SLC26A3: variants seen among roughly 807,000 people sequenced by gnomAD.
The protein encoded by SLC26A3 is chloride anion exchanger.
SLC26A3 carries 64 observed loss-of-function variants against 85.6 expected under a neutral mutation model. That is an observed-to-expected ratio of 0.75 (90% CI 0.61 to 0.92). The LOEUF is 0.92. SLC26A3 is among the 40% of genes least tolerant of loss of function. The probability of loss-of-function intolerance (pLI) is 0.00; values close to 1 mark genes in which losing one functional copy is unlikely to be tolerated. For missense variants in SLC26A3, 922 were observed against 927.3 expected (o/e 0.99, Z 0.07); for synonymous variants, 349 against 336.0 (o/e 1.04, Z -0.42).
In SLC26A3 at chr7:107,776,670, G is replaced by C; in HGVS notation, c.1551C>G (p.Thr517=). The change falls in exon 14 of 21, where the codon ACC becomes ACG. Residue 517 remains threonine, a synonymous_variant. Coordinates refer to ENST00000340010, the MANE Select transcript of SLC26A3 (RefSeq NM_000111.3). ...KCSTLANIGR[T]NIYKNKKDYY... The stretch of plus-strand genomic sequence containing the variant: ...AATCTTTTTTATTCTTATAGATGTT[G>C]GTTCTTCCAATATTAGCCAGCGTGC... 1 of 1,613,826 alleles carries C rather than the reference G, an allele frequency of 6.2e-7. No individual in the cohort carries two copies. The highest frequency in any genetic ancestry group is 8.5e-7 in the Non-Finnish European group (1 of 1,179,872).
At position 107,787,477 on chromosome 7, in the gene SLC26A3, C is replaced by T; in HGVS notation, c.768G>A (p.Lys256=). The T allele has an allele frequency of 6.2e-7, 1 of 1,613,762 alleles. No individual in the cohort carries two copies. Among genetic ancestry groups the T allele is most frequent in the Non-Finnish European group, 8.5e-7 (1 of 1,179,782 alleles). Residue 256 remains lysine, a synonymous_variant, in exon 7 of 21, where the codon AAG becomes AAA. Transcript: ENST00000340010. ...VLYSVFSQIE[K]TNIADLVTAL... is the part of the protein sequence containing the mutation. ...CTGTCACCAGGTCTGCAATATTAGTCTTCTCTATTTGTGAGAATACAGAGT... is the reference window on the plus strand; with the variant it reads ...CTGTCACCAGGTCTGCAATATTAGTTTTCTCTATTTGTGAGAATACAGAGT...
Position 107,767,633 on chromosome 7 carries a change from T to A in SLC26A3, c.2217A>T (p.Gly739=). 6.2e-7 allele frequency: 1 copy of A among 1,609,690 alleles called. No homozygotes were observed. Among genetic ancestry groups the A allele is most frequent in the Non-Finnish European group, 8.5e-7 (1 of 1,176,176 alleles). ...SKFNPSQEKD[G]KIDFTINTNG... ...TTGTATTTATGGTAAAATCAATTTT[T>A]CCATCTTTTTCCTGAGAAAAAGAGA... The change falls in exon 20 of 21, where the codon GGA becomes GGT. Residue 739 remains glycine (G), a synonymous_variant. Coordinates refer to ENST00000340010, the MANE Select transcript of SLC26A3 (RefSeq NM_000111.3).
intron 6 of SLC26A3, 102 bp downstream of exon 6, chr7:107,789,422 T>C: frequency 8.3e-7 from 1 of 1,200,934 alleles, no homozygotes; most frequent in East Asian, 2.5e-5. Flanking sequence ...TTTTACAAAC[T>C]GTAGGTAAAC....
At chr7:107,780,245 ATATC>A (rs1448682749) in intron 11 of SLC26A3, among the ~76,000 whole-genome samples, 7 of 152,102 alleles carry the variant, frequency 4.6e-5, no homozygotes, top group Non-Finnish European at 8.8e-5. Context: ...AGCATGAAAC[ATATC>A]TATCTAGTTC....
intron 8 of SLC26A3, among the ~76,000 whole-genome samples, chr7:107,785,515 C>T (rs1794279385): frequency 6.6e-6 from 1 of 152,022 alleles, no homozygotes; most frequent in African/African-American, 2.4e-5. Flanking sequence ...TTTTATTTTC[C>T]AAGCCCTTCT....
At position 107,791,860 on chromosome 7, in the gene SLC26A3, A is replaced by C; in HGVS notation, c.352T>G (p.Phe118Val). 1 of 1,613,502 alleles carries C rather than the reference A, an allele frequency of 6.2e-7. No individual in the cohort carries two copies. The highest frequency in any genetic ancestry group is 8.5e-7 in the Non-Finnish European group (1 of 1,179,456). The change falls in exon 4 of 21, where the codon TTC (phenylalanine) becomes GTC (valine). Residue 118 changes from phenylalanine to valine, a missense_variant. Phe to Val is a conservative substitution (Grantham distance 50). Transcript: ENST00000340010. Reference sequence around the variant, plus strand: ...GATATGTGTCTGGAAGTGCCGAAGAAAAGGTAGATTATGGCTGGGAAAAAG... The same window carrying C: ...GATATGTGTCTGGAAGTGCCGAAGACAAGGTAGATTATGGCTGGGAAAAAG... ...ASFFPAIIYL[F>V]FGTSRHISVG...
At chr7:107,765,902 GT>G in intron 20 of SLC26A3, 24 bp from the exon 21 acceptor site, 1 of 1,602,340 alleles carries the variant, frequency 6.2e-7, no homozygotes. Context: ...GAAAGTTCTT[GT>G]TTTAAAATAC....
chr7:107,789,795 T>A, intron 5 of SLC26A3, 107 bp from the exon 6 acceptor site: 4 of 1,174,864 alleles, frequency 3.4e-6, no homozygotes, highest in Non-Finnish European at 4.9e-6. Context: ...AGGCTCAACC[T>A]GTATGTACAT....
Position 107,791,882 on chromosome 7 carries a change from AAAGGATGCATAC to A in SLC26A3, c.318_329del (p.Leu106_Ser109del). 6 of 1,613,960 alleles carry A rather than the reference AAAGGATGCATAC, an allele frequency of 3.7e-6. No homozygotes were observed. Among genetic ancestry groups the A allele is most frequent in the Non-Finnish European group, 5.1e-6 (6 of 1,179,858 alleles). ...AGAAAAGGTAGATTATGGCTGGGAA[AAAGGATGCATAC>A]AACCCATAGACTGGGGGAATGTCGA... is the stretch of plus-strand genomic sequence containing the variant. On this transcript the variant is annotated inframe_deletion, in exon 4 of 21. Coordinates refer to ENST00000340010, the MANE Select transcript of SLC26A3 (RefSeq NM_000111.3).
intron 1 of SLC26A3, among the ~76,000 whole-genome samples, chr7:107,800,160 C>T (rs960972876): frequency 1.3e-5 from 2 of 152,272 alleles, no homozygotes; most frequent in East Asian, 3.9e-4. Context: ...CCTTTGTGTT[C>T]TTCTTCTCCA....
chr7:107,788,242 C>G (rs939817309), intron 6 of SLC26A3, among the ~76,000 whole-genome samples: 33 of 152,276 alleles, frequency 2.2e-4, no homozygotes, highest in African/African-American at 7.5e-4. Flanking sequence ...TACCATCGAG[C>G]TAATGTTAAC....
intron 6 of SLC26A3, among the ~76,000 whole-genome samples, chr7:107,788,912 A>T (rs1279506832): frequency 6.7e-5 from 10 of 149,520 alleles, no homozygotes; most frequent in Middle Eastern, 3.4e-3. Flanking sequence ...CCTTCCAAAA[A>T]GCTGGGACTG....
intron 1 of SLC26A3, among the ~76,000 whole-genome samples, chr7:107,801,764 G>T (rs1456307138): frequency 1.3e-5 from 2 of 151,926 alleles, no homozygotes; most frequent in Admixed American, 1.3e-4. Flanking sequence ...AATCAAATTA[G>T]TTGCTTCCTA....
chr7:107,766,245 C>CT lies in SLC26A3; in HGVS notation c.2272-368dup, dbSNP rs747490091. On this transcript the variant is annotated intron_variant, in intron 20 of 20. Transcript: ENST00000340010. ...ACCAAAGAGCTGGTGTTAAATGTTT[C>CT]TTTTTTTTAATATGGGGAAGCCAAG... Among the ~76,000 whole-genome samples, 12 of 152,036 alleles carry CT rather than the reference C, an allele frequency of 7.9e-5. No homozygotes were observed. In the East Asian group the frequency reaches 1.5e-3, roughly 20 times the overall value.
At position 107,791,040 on chromosome 7, in the gene SLC26A3, G is replaced by A. The variant is rs886061903; in HGVS notation, c.570+8C>T. ...TGAGGTGGGCAAGTTACATGAGAAG[G>A]TGCTCACCTGGATGATTCCAGAAAG... On this transcript the variant is annotated splice_region_variant and intron_variant, in intron 5 of 20. Transcript: ENST00000340010. The A allele has an allele frequency of 1.2e-6, 2 of 1,613,112 alleles. No homozygotes were observed. Among genetic ancestry groups the A allele is most frequent in the Non-Finnish European group, 8.5e-7 (1 of 1,179,876 alleles).
intron 4 of SLC26A3, among the ~76,000 whole-genome samples, chr7:107,791,510 G>T (rs1794401825): frequency 6.6e-6 from 1 of 152,130 alleles, no homozygotes; most frequent in South Asian, 2.1e-4. Flanking sequence ...TACTTGGGAG[G>T]CTGAGGCAGG....
At chr7:107,770,853 C>T (rs1238609462) in intron 18 of SLC26A3, among the ~76,000 whole-genome samples, 2 of 152,142 alleles carry the variant, frequency 1.3e-5, no homozygotes, top group South Asian at 2.1e-4. Flanking sequence ...AACTGAACTG[C>T]AAAATTATGT....
chr7:107,767,510 C>T, intron 20 of SLC26A3, 69 bp downstream of exon 20: 1 of 1,151,576 alleles, frequency 8.7e-7, no homozygotes, highest in African/African-American at 1.5e-5. Context: ...CAGGAAGTGG[C>T]CTCACTACTT....
intron 6 of SLC26A3, among the ~76,000 whole-genome samples, chr7:107,788,327 T>C (rs1003622197): frequency 6.6e-6 from 1 of 152,206 alleles, no homozygotes; most frequent in African/African-American, 2.4e-5. Flanking sequence ...TATTAAAAGC[T>C]TTACCATTTT....
Sources: gnomAD v4.1 joint callset for allele counts (sites outside exome capture counted in the v4.1 genomes callset) on GRCh38, gnomAD v4.1.1 for gene constraint, MANE v1.5 for transcripts, NCBI Gene and HGNC (gene_info 2026-07-23, HGNC 2026-07-21) for gene names.